DPP6: variants seen among roughly 807,000 people sequenced by gnomAD.
DPP6 encodes the protein A-type potassium channel modulatory protein DPP6.
Under a neutral mutation model 122.6 loss-of-function variants are expected in DPP6, and 69 were observed. The ratio of observed to expected loss-of-function variants is 0.56; its 90% confidence interval spans 0.46 to 0.69. The LOEUF (loss-of-function observed/expected upper bound fraction) is 0.69. DPP6 is among the 30% of genes least tolerant of loss of function. The pLI, the probability that DPP6 is intolerant of heterozygous loss-of-function variation, is 0.00. For synonymous variants in DPP6, 418 were observed against 433.1 expected (o/e 0.97, Z 0.43); for missense variants, 928 against 1,116.9 (o/e 0.83, Z 2.41).
At position 154,817,096 on chromosome 7, in the gene DPP6, C is replaced by T. The variant is rs549520211; in HGVS notation, c.1666+9984C>T. 2.0e-5 allele frequency among the ~76,000 whole-genome samples: 3 copies of T among 152,248 alleles called. No individual in the cohort carries two copies. In the South Asian group the frequency reaches 6.2e-4, roughly 32 times the overall value. ...CCTCTCGCTGCAAAACATAATTAACCAGGGGAAATGTCCACGAAGGTGCCA... is the reference window on the plus strand; with the variant it reads ...CCTCTCGCTGCAAAACATAATTAACTAGGGGAAATGTCCACGAAGGTGCCA... On this transcript the variant is annotated intron_variant, in intron 16 of 25. Coordinates refer to ENST00000377770, the MANE Select transcript of DPP6 (RefSeq NM_130797.4).
chr7:154,395,472 G>A (rs143632470), intron 1 of DPP6, among the ~76,000 whole-genome samples: 36 of 152,204 alleles, frequency 2.4e-4, no homozygotes, highest in Admixed American at 5.9e-4. Context: ...GTTCACCTCC[G>A]CGGCTAAGTT....
chr7:154,153,467 G>C (rs1394885503), intron 1 of DPP6, among the ~76,000 whole-genome samples: 1 of 152,212 alleles, frequency 6.6e-6, no homozygotes, highest in Non-Finnish European at 1.5e-5. Flanking sequence ...GATTACAGTA[G>C]TGAGTCACTG....
chr7:154,844,127 T>C (rs556563392), intron 16 of DPP6, among the ~76,000 whole-genome samples: 13 of 152,238 alleles, frequency 8.5e-5, no homozygotes, highest in Non-Finnish European at 1.9e-4. Context: ...GCAATACAGA[T>C]GGATTGTCTT....
chr7:154,348,039 T>A (rs10240345), intron 1 of DPP6, among the ~76,000 whole-genome samples: 37,995 of 152,130 alleles, frequency 0.25, 9,674 homozygotes, highest in African/African-American at 0.66. Flanking sequence ...GGAACTATGC[T>A]GTAAGTACAG....
At chr7:154,664,657 T>G (rs1017705897) in intron 6 of DPP6, among the ~76,000 whole-genome samples, 9 of 112,506 alleles carry the variant, frequency 8.0e-5, no homozygotes, top group African/African-American at 3.2e-4. Context: ...ATGGAATTCT[T>G]TTTTTTTTTT....
At chr7:154,584,179 A>C (rs1474607398) in intron 5 of DPP6, among the ~76,000 whole-genome samples, 1 of 152,046 alleles carries the variant, frequency 6.6e-6, no homozygotes, top group Non-Finnish European at 1.5e-5. Context: ...ACTCATTCCC[A>C]ATCTGCACCT....
At chr7:154,261,255 A>G (rs1177568616) in intron 1 of DPP6, among the ~76,000 whole-genome samples, 6 of 152,144 alleles carry the variant, frequency 3.9e-5, no homozygotes, top group Non-Finnish European at 8.8e-5. Flanking sequence ...ACTAGTTTAC[A>G]TTTTCACCAG....
rs1471317935 is a variant in DPP6, at chr7:153,908,793, C to T, written c.51+21059C>T. ...TTTTTGAGACAGAGTCTTGCTCTGT[C>T]GCCCAGGCTGGAGTCAGTGGTGCAA... On this transcript the variant is annotated intron_variant, in intron 1 of 25. Coordinates refer to the DPP6 transcript ENST00000404039. 4.6e-5 allele frequency among the ~76,000 whole-genome samples: 7 copies of T among 152,050 alleles called. No homozygotes were observed. The East Asian group carries it at 1.2e-3, about 25-fold the overall frequency.
At chr7:153,784,479 C>T in the DPP6 span, among the ~76,000 whole-genome samples, 1 of 152,158 alleles carries the variant, frequency 6.6e-6, no homozygotes, top group African/African-American at 2.4e-5. Flanking sequence ...GAAAGGTAGA[C>T]ATTTGATAGT....
chr7:154,036,586 A>T (rs1799548753), intron 1 of DPP6, among the ~76,000 whole-genome samples: 1 of 151,848 alleles, frequency 6.6e-6, no homozygotes, highest in East Asian at 1.9e-4. Flanking sequence ...GCCCCAGCTC[A>T]GATGGTGCAC....
At chr7:154,316,754 G>A (rs1807463963) in intron 1 of DPP6, among the ~76,000 whole-genome samples, 1 of 152,194 alleles carries the variant, frequency 6.6e-6, no homozygotes, top group Non-Finnish European at 1.5e-5. Context: ...GTGGGGGACA[G>A]GGTGAAATGC....
intron 6 of DPP6, among the ~76,000 whole-genome samples, chr7:154,641,020 T>C (rs921225649): frequency 2.6e-5 from 4 of 152,192 alleles, no homozygotes; most frequent in Non-Finnish European, 5.9e-5. Context: ...AATGTTCTCA[T>C]GCCCTCTGAT....
chr7:154,855,443 G>C (rs1346252860), intron 17 of DPP6, among the ~76,000 whole-genome samples: 1 of 152,148 alleles, frequency 6.6e-6, no homozygotes, highest in East Asian at 1.9e-4. Flanking sequence ...CTCCCCAGAG[G>C]AGGGGCTGGT....
chr7:154,807,261 T>C (rs1798760421), intron 16 of DPP6, 149 bp downstream of exon 16: 1 of 1,222,962 alleles, frequency 8.2e-7, no homozygotes, highest in African/African-American at 1.5e-5. Flanking sequence ...CCTGATAACA[T>C]TGCTTATGGT....
chr7:153,990,985 C>T (rs1293142081), intron 1 of DPP6, among the ~76,000 whole-genome samples: 1 of 152,176 alleles, frequency 6.6e-6, no homozygotes, highest in Non-Finnish European at 1.5e-5. Flanking sequence ...ACAAAGTCCC[C>T]TTGGGATGTG....
the DPP6 span, among the ~76,000 whole-genome samples, chr7:153,777,483 AC>A: frequency 1.6e-5 from 2 of 128,954 alleles, no homozygotes; most frequent in Non-Finnish European, 3.2e-5. Context: ...GCTGGAAACT[AC>A]TTAGGTAACT....
chr7:154,276,040 A>G (rs1367345074), intron 1 of DPP6, among the ~76,000 whole-genome samples: 1 of 152,260 alleles, frequency 6.6e-6, no homozygotes, highest in Non-Finnish European at 1.5e-5. Flanking sequence ...AACCTAGCAT[A>G]GCCGTCACTT....
intron 1 of DPP6, among the ~76,000 whole-genome samples, chr7:154,143,081 G>A (rs9886004): frequency 0.026 from 3,844 of 145,476 alleles, 163 homozygotes; most frequent in African/African-American, 0.095. Flanking sequence ...AGGATTTAGA[G>A]ATCACTCCTA....
chr7:154,406,538 C>T lies in DPP6; in HGVS notation c.244-39676C>T, dbSNP rs568237581. 4.6e-5 allele frequency among the ~76,000 whole-genome samples: 7 copies of T among 152,162 alleles called. No individual in the cohort carries two copies. The South Asian group carries it at 6.2e-4, about 14-fold the overall frequency. On this transcript the variant is annotated intron_variant, in intron 1 of 25. Coordinates refer to ENST00000377770, the MANE Select transcript of DPP6 (RefSeq NM_130797.4). ...ATCCACGCACAAATGCACACACACA[C>T]GCACCTGCACACACACGTGGGTTTG...
Sources: allele counts gnomAD v4.1 joint callset (sites outside exome capture counted in the v4.1 genomes callset), GRCh38; gene constraint gnomAD v4.1.1; transcripts MANE v1.5; gene names NCBI Gene and HGNC (gene_info 2026-07-23, HGNC 2026-07-21).